Variants in SLC4A4 observed in about 807,000 individuals in gnomAD.
The protein encoded by SLC4A4 is electrogenic sodium bicarbonate cotransporter 1.
SLC4A4 carries 27 observed loss-of-function variants against 111.5 expected under a neutral mutation model. The ratio of observed to expected loss-of-function variants is 0.24; its 90% CI spans 0.18 to 0.33. The LOEUF is 0.33. SLC4A4 is among the 10% of genes least tolerant of loss of function. The pLI is 1.00. For synonymous variants in SLC4A4, 443 were observed against 463.4 expected, an observed-to-expected ratio of 0.96 and a Z score of 0.57; for missense variants, 909 against 1,315.5, an observed-to-expected ratio of 0.69 and a Z score of 4.78.
chr4:71,116,107 C>T (rs1289027925), intron 2 of SLC4A4, among the ~76,000 whole-genome samples: 1 of 152,162 alleles, frequency 6.6e-6, no homozygotes, highest in African/African-American at 2.4e-5. Flanking sequence ...GTTGGTCAGG[C>T]TGGTCTTGAA....
In SLC4A4 at chr4:71,306,216, T is replaced by C. The variant is rs368131953; in HGVS notation, c.254-33154T>C. ...TCAGACTTCCTGGTTTCAGTTTCTGTCTTTGCTATTTGTTAGCTGTCTGAC... is the reference window on the plus strand; with the variant it reads ...TCAGACTTCCTGGTTTCAGTTTCTGCCTTTGCTATTTGTTAGCTGTCTGAC... On this transcript the variant is annotated intron_variant, in intron 3 of 25. Transcript: ENST00000264485. 1.6e-4 allele frequency among the ~76,000 whole-genome samples: 25 copies of C among 152,002 alleles called. 1 individual carries two copies. The South Asian group carries it at 5.0e-3, about 30-fold the overall frequency.
Position 71,080,459 on chromosome 4 carries a change from CT to C in SLC4A4, c.-64-12270del, listed in dbSNP as rs551970064. On this transcript the variant is annotated intron_variant, in intron 1 of 26. Transcript: ENST00000649996. ...CCTGCGCTTTCAATAAACCAATTGG[CT>C]AAAATTCTTCTCAACATAGGGCACA... Among the ~76,000 whole-genome samples, 204 of 152,178 alleles carry C rather than the reference CT, an allele frequency of 1.3e-3. 3 individuals carry two copies. The highest frequency in any genetic ancestry group is 4.5e-3 in the African/African-American group (185 of 41,426).
At chr4:71,499,426 A>G (rs1730706104) in intron 16 of SLC4A4, among the ~76,000 whole-genome samples, 1 of 152,160 alleles carries the variant, frequency 6.6e-6, no homozygotes, top group South Asian at 2.1e-4. Flanking sequence ...ATTACCTCAC[A>G]TACTTATTTT....
chr4:71,369,206 G>A (rs1161364530), intron 6 of SLC4A4, among the ~76,000 whole-genome samples: 2 of 152,198 alleles, frequency 1.3e-5, no homozygotes, highest in East Asian at 1.9e-4. Context: ...CAGGAAGATC[G>A]GGCTCATGGT....
chr4:71,473,343 G>T, intron 14 of SLC4A4: 1 of 506,634 alleles, frequency 2.0e-6, no homozygotes, highest in Non-Finnish European at 3.5e-6. Flanking sequence ...TTCTTTATTG[G>T]TGTAGGAATG....
intron 7 of SLC4A4, among the ~76,000 whole-genome samples, chr4:71,419,075 G>A (rs556924806): frequency 5.9e-5 from 9 of 152,232 alleles, no homozygotes; most frequent in South Asian, 4.1e-4. Flanking sequence ...AGGAGTACCC[G>A]GCCGTGTGAA....
intron 7 of SLC4A4, among the ~76,000 whole-genome samples, chr4:71,428,321 C>T (rs1383592022): frequency 6.6e-6 from 1 of 152,076 alleles, no homozygotes; most frequent in East Asian, 1.9e-4. Context: ...ATTTTCAGCA[C>T]TGCCTAAAAG....
chr4:71,546,646 C>A, intron 19 of SLC4A4, 118 bp downstream of exon 19: 1 of 919,292 alleles, frequency 1.1e-6, no homozygotes, highest in Non-Finnish European at 1.7e-6. Context: ...TAATTTATTC[C>A]TATATTTTTT....
rs752528271 is a variant in SLC4A4, at chr4:71,557,698, T to G, written c.2764-14T>G. 1.5e-5 allele frequency: 24 copies of G among 1,612,238 alleles called. No homozygotes were observed. Among genetic ancestry groups the G allele is most frequent in the Non-Finnish European group, 2.0e-5 (24 of 1,178,990 alleles). ...CAGTAATGCAGTTGGACTCCTTTCC[T>G]CTTTCCTCCCCAGTTCATGGATCGT... On this transcript the variant is annotated splice_polypyrimidine_tract_variant and intron_variant, in intron 21 of 25. Coordinates refer to ENST00000264485, the MANE Select transcript of SLC4A4 (RefSeq NM_001098484.3).
upstream of SLC4A4, among the ~76,000 whole-genome samples, chr4:71,183,953 C>T (rs149533892): frequency 3.3e-5 from 5 of 152,240 alleles, no homozygotes; most frequent in East Asian, 9.7e-4. Context: ...TTTTGTATAA[C>T]TCCAGGAGAA....
intron 5 of SLC4A4, among the ~76,000 whole-genome samples, chr4:71,351,496 T>C (rs1729828535): frequency 6.6e-6 from 1 of 152,210 alleles, no homozygotes; most frequent in Non-Finnish European, 1.5e-5. Flanking sequence ...ATTTATAATG[T>C]TAATCTTATG....
At chr4:71,347,293 A>G (rs1458837366) in intron 4 of SLC4A4, among the ~76,000 whole-genome samples, 2 of 152,150 alleles carry the variant, frequency 1.3e-5, no homozygotes, top group Non-Finnish European at 2.9e-5. Flanking sequence ...TATTAAACTT[A>G]TATTATTTGG....
At chr4:71,545,167 G>A (rs12504851) in intron 18 of SLC4A4, among the ~76,000 whole-genome samples, 108,606 of 151,774 alleles carry the variant, frequency 0.72, 39,114 homozygotes, top group Admixed American at 0.76. Flanking sequence ...GCCAAGCCTG[G>A]ACTAGGTGAA....
At chr4:71,548,356 A>C (rs1735710421) in intron 20 of SLC4A4, among the ~76,000 whole-genome samples, 1 of 151,924 alleles carries the variant, frequency 6.6e-6, no homozygotes, top group South Asian at 2.1e-4. Context: ...GTCAATATAT[A>C]GGTTTATTGA....
At chr4:71,303,645 T>C (rs1725448494) in intron 3 of SLC4A4, among the ~76,000 whole-genome samples, 1 of 152,166 alleles carries the variant, frequency 6.6e-6, no homozygotes, top group African/African-American at 2.4e-5. Flanking sequence ...CATAGGCTTT[T>C]GTGTGACTTT....
At chr4:71,285,030 G>T (rs1723801006) in intron 3 of SLC4A4, among the ~76,000 whole-genome samples, 1 of 152,134 alleles carries the variant, frequency 6.6e-6, no homozygotes, top group African/African-American at 2.4e-5. Context: ...CAGATGTGCT[G>T]AGAAATTGAT....
At position 71,229,388 on chromosome 4, in the gene SLC4A4, G is replaced by A. The variant is rs145993432; in HGVS notation, c.-1-7188G>A. Reference sequence around the variant, plus strand: ...TTCATGTACAGGTTTTTGGGTGAACGTAAGTTTTTATTTCTCTGGGATAAG... The same window carrying A: ...TTCATGTACAGGTTTTTGGGTGAACATAAGTTTTTATTTCTCTGGGATAAG... On this transcript the variant is annotated intron_variant, in intron 1 of 25. Coordinates refer to ENST00000264485, the MANE Select transcript of SLC4A4 (RefSeq NM_001098484.3). 8.1e-4 allele frequency among the ~76,000 whole-genome samples: 124 copies of A among 152,308 alleles called. 1 individual carries two copies. The highest frequency in any genetic ancestry group is 7.1e-3 in the East Asian group (37 of 5,188).
At chr4:71,253,810 C>CGT (rs1393330721) in intron 2 of SLC4A4, among the ~76,000 whole-genome samples, 2 of 152,106 alleles carry the variant, frequency 1.3e-5, no homozygotes, top group Non-Finnish European at 2.9e-5. Context: ...TGAGTTGCTG[C>CGT]GTGTGTGTTG....
intron 1 of SLC4A4, among the ~76,000 whole-genome samples, chr4:71,087,720 C>T (rs372739728): frequency 2.6e-5 from 4 of 151,960 alleles, no homozygotes; most frequent in East Asian, 1.9e-4. Flanking sequence ...CGGTTTTGAG[C>T]AAGTTTCTTA....
Sources: allele counts gnomAD v4.1 joint callset (sites outside exome capture counted in the v4.1 genomes callset), GRCh38; gene constraint gnomAD v4.1.1; transcripts MANE v1.5; gene names NCBI Gene and HGNC (gene_info 2026-07-23, HGNC 2026-07-21).